HPGDS: variants seen among roughly 807,000 people sequenced by gnomAD.
The protein encoded by HPGDS is hematopoietic prostaglandin D synthase.
In HPGDS, 26 loss-of-function variants were observed where a neutral mutation model predicts 23.1. The observed-to-expected ratio is 1.13, with a 90% CI of 0.83 to 1.56. HPGDS has a LOEUF of 1.56. HPGDS is among the 40% of genes most tolerant of loss of function. HPGDS has a pLI of 0.00. For missense variants in HPGDS, 268 were observed against 236.4 expected, an observed-to-expected ratio of 1.13 and a Z score of -0.88; for synonymous variants, 95 against 77.9, an observed-to-expected ratio of 1.22 and a Z score of -1.16.
chr4:94,319,552 G>C (rs116617447), intron 2 of HPGDS, among the ~76,000 whole-genome samples: 1,927 of 152,204 alleles, frequency 0.013, 43 homozygotes, highest in African/African-American at 0.044. Flanking sequence ...TTGTGATTTA[G>C]TGGTTATCTA....
chr4:94,322,309 A>G (rs889338148), intron 2 of HPGDS, among the ~76,000 whole-genome samples: 1 of 151,958 alleles, frequency 6.6e-6, no homozygotes, highest in Non-Finnish European at 1.5e-5. Flanking sequence ...CTCTTTTTCT[A>G]TTGATTGGAA....
chr4:94,336,948 TCG>T (rs1721032810), intron 1 of HPGDS, among the ~76,000 whole-genome samples: 1 of 20,552 alleles, frequency 4.9e-5, no homozygotes, highest in Non-Finnish European at 1.1e-4. Context: ...ATTTGGTGTT[TCG>T]TTTTGTTTCG....
chr4:94,328,887 G>A (rs777761500), intron 2 of HPGDS, among the ~76,000 whole-genome samples: 3 of 152,190 alleles, frequency 2.0e-5, no homozygotes, highest in Non-Finnish European at 2.9e-5. Flanking sequence ...TCAACTTTGT[G>A]TGTCTCCTTC....
At chr4:94,321,049 G>C (rs1280509584) in intron 2 of HPGDS, among the ~76,000 whole-genome samples, 3 of 152,078 alleles carry the variant, frequency 2.0e-5, no homozygotes, top group African/African-American at 7.2e-5. Context: ...TTTTTGTCAG[G>C]TTTGTCAAAG....
At position 94,305,716 on chromosome 4, in the gene HPGDS, A is replaced by G. The variant is rs561464157; in HGVS notation, c.336+2918T>C. On this transcript the variant is annotated intron_variant, in intron 4 of 5. Coordinates refer to ENST00000295256, the MANE Select transcript of HPGDS (RefSeq NM_014485.3). ...TTTGAATTCCTTCTGCACCACTTCT[A>G]GCTGAACAATTTTGGGTAAGTTGTT... Among the ~76,000 whole-genome samples, 3 of 152,222 alleles carry G rather than the reference A, an allele frequency of 2.0e-5. No homozygotes were observed. In the South Asian group the frequency reaches 6.2e-4, roughly 32 times the overall value.
rs1756686526 is a variant in HPGDS at position 94,328,918 on chromosome 4, C to A, written c.133+5579G>T. On this transcript the variant is annotated intron_variant, in intron 2 of 5. Transcript: ENST00000295256. Reference sequence around the variant, plus strand: ...CCTTCAAGTATCTTTCATATGCACACCTAAATAAGTATATGAGAACTATAC... The same window carrying A: ...CCTTCAAGTATCTTTCATATGCACAACTAAATAAGTATATGAGAACTATAC... 2.0e-5 allele frequency among the ~76,000 whole-genome samples: 3 copies of A among 152,104 alleles called. No homozygotes were observed. In the South Asian group the frequency reaches 6.2e-4, roughly 32 times the overall value.
chr4:94,334,494 T>TA lies in HPGDS; in HGVS notation c.133+2dup, dbSNP rs1319484027. ...TCCTACATTTATTATTTTTGCTACT[T>TA]ACTTGATTTGATTTCAGGCCAGTCA... is the stretch of plus-strand genomic sequence containing the variant. On this transcript the variant is annotated splice_region_variant and intron_variant, in intron 2 of 5. Coordinates refer to ENST00000295256, the MANE Select transcript of HPGDS (RefSeq NM_014485.3). The TA allele has an allele frequency of 5.7e-6, 9 of 1,591,764 alleles. No individual in the cohort carries two copies. Among genetic ancestry groups the TA allele is most frequent in the Admixed American group, 1.8e-5 (1 of 55,520 alleles).
At chr4:94,320,734 T>C (rs1288498180) in intron 2 of HPGDS, among the ~76,000 whole-genome samples, 1 of 152,232 alleles carries the variant, frequency 6.6e-6, no homozygotes, top group Admixed American at 6.5e-5. Context: ...CTAATGGTAG[T>C]TTCTTTTACT....
chr4:94,311,232 CT>C (rs1185617211), intron 3 of HPGDS, among the ~76,000 whole-genome samples: 1 of 151,978 alleles, frequency 6.6e-6, no homozygotes, highest in African/African-American at 2.4e-5. Context: ...AAAGGGAATG[CT>C]TCCAGTTTTT....
At chr4:94,338,335 G>T (rs1280819018) in intron 1 of HPGDS, among the ~76,000 whole-genome samples, 2 of 151,810 alleles carry the variant, frequency 1.3e-5, no homozygotes, top group East Asian at 3.9e-4. Flanking sequence ...TAAGGCACGA[G>T]AATTGCTTGA....
At chr4:94,328,317 G>C (rs1183453317) in intron 2 of HPGDS, among the ~76,000 whole-genome samples, 1 of 152,130 alleles carries the variant, frequency 6.6e-6, no homozygotes, top group Non-Finnish European at 1.5e-5. Flanking sequence ...ATCCTTCTTT[G>C]AGGAGATGAG....
At chr4:94,313,712 G>T (rs1158485608) in intron 3 of HPGDS, among the ~76,000 whole-genome samples, 1 of 152,130 alleles carries the variant, frequency 6.6e-6, no homozygotes, top group African/African-American at 2.4e-5. Context: ...AAGTTCTCCT[G>T]GATAATATCC....
At chr4:94,309,794 G>A (rs1329184860) in intron 3 of HPGDS, among the ~76,000 whole-genome samples, 1 of 151,750 alleles carries the variant, frequency 6.6e-6, no homozygotes, top group Admixed American at 6.6e-5. Flanking sequence ...AGCACCTGTT[G>A]TTTCCTGACT....
chr4:94,324,338 A>T (rs1204470088), intron 2 of HPGDS, among the ~76,000 whole-genome samples: 1 of 151,702 alleles, frequency 6.6e-6, no homozygotes, highest in African/African-American at 2.4e-5. Context: ...TCTCCTGGAT[A>T]ATATACTGGA....
intron 3 of HPGDS, among the ~76,000 whole-genome samples, chr4:94,314,501 T>C (rs1018401362): frequency 9.9e-5 from 15 of 152,102 alleles, no homozygotes; most frequent in Admixed American, 4.6e-4. Flanking sequence ...GCTCTGGACG[T>C]TTTGTCTCAG....
chr4:94,322,993 T>G (rs1000771555), intron 2 of HPGDS, among the ~76,000 whole-genome samples: 3 of 152,226 alleles, frequency 2.0e-5, no homozygotes, highest in African/African-American at 2.4e-5. Context: ...AAAGAATATG[T>G]TTATTTCTGC....
At position 94,302,207 on chromosome 4, in the gene HPGDS, G is replaced by A. The variant is rs140541652; in HGVS notation, c.374C>T (p.Pro125Leu). ...TGTGTCCAAGTCTTGCATAAGATGA[G>A]GCGCATTATACGTGAGCAGCTCATT... is the stretch of plus-strand genomic sequence containing the variant. ...MFNELLTYNA[P>L]HLMQDLDTYL... Residue 125 changes from proline (P) to leucine (L), a missense_variant, in exon 5 of 6, where the codon CCT becomes CTT. Physicochemically the swap from Pro to Leu is moderately conservative, Grantham distance 98. Coordinates refer to ENST00000295256, the MANE Select transcript of HPGDS (RefSeq NM_014485.3). 1 of 1,612,450 alleles carries A rather than the reference G, an allele frequency of 6.2e-7. No individual in the cohort carries two copies. The highest frequency in any genetic ancestry group is 1.3e-5 in the African/African-American group (1 of 74,804).
At chr4:94,316,187 G>A (rs748208376) in intron 3 of HPGDS, among the ~76,000 whole-genome samples, 1 of 152,094 alleles carries the variant, frequency 6.6e-6, no homozygotes, top group Non-Finnish European at 1.5e-5. Flanking sequence ...GGTATTGCAA[G>A]TTGAAAAAAG....
At chr4:94,339,942 G>C (rs1721104601) in intron 1 of HPGDS, among the ~76,000 whole-genome samples, 2 of 152,058 alleles carry the variant, frequency 1.3e-5, no homozygotes, top group Non-Finnish European at 2.9e-5. Context: ...CTGCTGCCAT[G>C]TAAGACATCC....
Sources: allele counts gnomAD v4.1 joint callset (sites outside exome capture counted in the v4.1 genomes callset), GRCh38; gene constraint gnomAD v4.1.1; transcripts MANE v1.5; gene names NCBI Gene and HGNC (gene_info 2026-07-23, HGNC 2026-07-21).